The following SLC9A9 variants were observed in gnomAD, a reference collection of about 807,000 sequenced individuals.
SLC9A9 encodes sodium/hydrogen exchanger 9.
Under a neutral mutation model 77.8 loss-of-function variants are expected in SLC9A9, and 62 were observed. The ratio of observed to expected loss-of-function variants is 0.80; its 90% confidence interval spans 0.65 to 0.98. SLC9A9 has a LOEUF of 0.98. SLC9A9 is among the 50% of genes least tolerant of loss of function. SLC9A9 has a pLI of 0.00. For synonymous variants in SLC9A9, 320 were observed against 283.5 expected, an observed-to-expected ratio of 1.13 and a Z score of -1.29; for missense variants, 775 against 774.9, an observed-to-expected ratio of 1.00 and a Z score of 0.00.
chr3:143,572,921 C>T (rs534524604), intron 8 of SLC9A9, among the ~76,000 whole-genome samples: 7 of 152,314 alleles, frequency 4.6e-5, no homozygotes, highest in African/African-American at 1.7e-4. Context: ...TACTTCCTTC[C>T]TACCTACCCT....
At chr3:143,656,732 C>T (rs747994685) in intron 5 of SLC9A9, among the ~76,000 whole-genome samples, 1 of 152,178 alleles carries the variant, frequency 6.6e-6, no homozygotes, top group Non-Finnish European at 1.5e-5. Flanking sequence ...CTGGCTCTCC[C>T]TTGGAGAGTG....
At chr3:143,399,923 A>T (rs1331366276) in intron 12 of SLC9A9, among the ~76,000 whole-genome samples, 2 of 152,178 alleles carry the variant, frequency 1.3e-5, no homozygotes, top group Non-Finnish European at 2.9e-5. Context: ...TATATGCTAG[A>T]TATTGTGGTA....
At chr3:143,845,190 C>T (rs147959966) in intron 1 of SLC9A9, among the ~76,000 whole-genome samples, 23 of 152,220 alleles carry the variant, frequency 1.5e-4, no homozygotes, top group East Asian at 9.7e-4. Flanking sequence ...ACTAATTACA[C>T]GACTTTTATC....
At position 143,423,229 on chromosome 3, in the gene SLC9A9, ACGTGTACACACGCG is replaced by A. The variant is rs1287920372; in HGVS notation, c.1470-41129_1470-41116del. 2.1e-4 allele frequency among the ~76,000 whole-genome samples: 30 copies of A among 141,014 alleles called. No homozygotes were observed. The East Asian group carries it at 3.6e-3, about 17-fold the overall frequency. The allele number at this position is 141,014 out of a possible 152,430, so 92.5% of individuals were successfully genotyped here. On this transcript the variant is annotated intron_variant, in intron 12 of 15. Transcript: ENST00000316549. ...CTCACACACACGTACACACACACAC[ACGTGTACACACGCG>A]CGTGTACACACACACACACACACAC...
At chr3:143,650,416 G>A (rs1436613940) in intron 6 of SLC9A9, among the ~76,000 whole-genome samples, 3 of 152,166 alleles carry the variant, frequency 2.0e-5, no homozygotes, top group Non-Finnish European at 2.9e-5. Flanking sequence ...AAGCAAATAA[G>A]CAAGTGAGAA....
intron 14 of SLC9A9, among the ~76,000 whole-genome samples, chr3:143,333,453 T>C (rs1176951455): frequency 6.6e-6 from 1 of 152,230 alleles, no homozygotes; most frequent in Non-Finnish European, 1.5e-5. Flanking sequence ...TGTCTGAAAC[T>C]TCTCTTCTAG....
chr3:143,514,665 C>T (rs751478917), intron 9 of SLC9A9, among the ~76,000 whole-genome samples: 5 of 152,210 alleles, frequency 3.3e-5, no homozygotes, highest in African/African-American at 7.2e-5. Context: ...TTTCTTCAAA[C>T]GTCATGAACA....
chr3:143,488,440 G>C (rs543721392), intron 11 of SLC9A9, among the ~76,000 whole-genome samples: 1 of 152,042 alleles, frequency 6.6e-6, no homozygotes, highest in East Asian at 1.9e-4. Flanking sequence ...GTCAGAGCAA[G>C]ACACAATAAG....
chr3:143,724,171 T>C (rs111314142), intron 4 of SLC9A9, among the ~76,000 whole-genome samples: 2,743 of 152,224 alleles, frequency 0.018, 74 homozygotes, highest in African/African-American at 0.061. Context: ...ATTATGGAGG[T>C]GGATTTCTCC....
At chr3:143,473,912 G>A (rs2035420584) in intron 11 of SLC9A9, among the ~76,000 whole-genome samples, 1 of 152,142 alleles carries the variant, frequency 6.6e-6, no homozygotes, top group Non-Finnish European at 1.5e-5. Context: ...AGGTGATAGT[G>A]GCAAACAAGA....
chr3:143,531,939 T>C (rs771212476), intron 9 of SLC9A9, among the ~76,000 whole-genome samples: 5 of 152,216 alleles, frequency 3.3e-5, no homozygotes, highest in Non-Finnish European at 7.3e-5. Context: ...GAGGATACAA[T>C]GGAGGTTTCC....
At chr3:143,526,721 T>A (rs1228759598) in intron 9 of SLC9A9, among the ~76,000 whole-genome samples, 5 of 152,212 alleles carry the variant, frequency 3.3e-5, no homozygotes, top group Non-Finnish European at 5.9e-5. Flanking sequence ...TGAAGCCGAT[T>A]CAAAAACAAT....
chr3:143,594,715 T>C (rs1231574660), intron 6 of SLC9A9, among the ~76,000 whole-genome samples: 1 of 152,160 alleles, frequency 6.6e-6, no homozygotes, highest in African/African-American at 2.4e-5. Flanking sequence ...CTAGTTTAAC[T>C]TGTATCTGCA....
intron 3 of SLC9A9, among the ~76,000 whole-genome samples, chr3:143,795,294 A>AAAAAAC (rs1553794676): frequency 7.4e-5 from 11 of 147,888 alleles, no homozygotes; most frequent in Non-Finnish European, 4.5e-5. Context: ...AAAAAAAAAA[A>AAAAAAC]AAAAAACCCA....
intron 5 of SLC9A9, among the ~76,000 whole-genome samples, chr3:143,675,511 C>T (rs532868551): frequency 6.6e-6 from 1 of 152,310 alleles, no homozygotes; most frequent in East Asian, 1.9e-4. Flanking sequence ...ACAACGAGGG[C>T]TCAGGGCTTC....
At chr3:143,847,847 T>G in intron 1 of SLC9A9, 1 of 435,154 alleles carries the variant, frequency 2.3e-6, no homozygotes, top group African/African-American at 2.0e-5. Flanking sequence ...CCCAACATCA[T>G]TACAAAAACA....
intron 11 of SLC9A9, among the ~76,000 whole-genome samples, chr3:143,471,284 G>A (rs536793342): frequency 6.6e-6 from 1 of 152,296 alleles, no homozygotes; most frequent in South Asian, 2.1e-4. Flanking sequence ...CATCCTTTGT[G>A]ACTCTGAAGT....
In SLC9A9 at chr3:143,834,875, A is replaced by C. The variant is rs1298879129; in HGVS notation, c.176-2654T>G. On this transcript the variant is annotated intron_variant, in intron 1 of 15. Coordinates refer to ENST00000316549, the MANE Select transcript of SLC9A9 (RefSeq NM_173653.4). ...ATCCATGAAAATGTACCTCTCAGATAGATGAAAATGTACCTCCCACTCTGA... is the reference window on the plus strand; with the variant it reads ...ATCCATGAAAATGTACCTCTCAGATCGATGAAAATGTACCTCCCACTCTGA... 2.0e-5 allele frequency among the ~76,000 whole-genome samples: 3 copies of C among 152,138 alleles called. No homozygotes were observed. In the East Asian group the frequency reaches 5.8e-4, roughly 29 times the overall value.
At chr3:143,593,298 C>T (rs1413452820) in intron 6 of SLC9A9, among the ~76,000 whole-genome samples, 3 of 152,114 alleles carry the variant, frequency 2.0e-5, no homozygotes, top group African/African-American at 7.2e-5. Context: ...CATTTTCTCT[C>T]TCTGTAGTTT....
Sources: allele counts gnomAD v4.1 joint callset (sites outside exome capture counted in the v4.1 genomes callset), GRCh38; gene constraint gnomAD v4.1.1; transcripts MANE v1.5; gene names NCBI Gene and HGNC (gene_info 2026-07-23, HGNC 2026-07-21).